Variants in HIP1 observed in about 807,000 individuals in gnomAD.
HIP1 encodes the protein huntingtin interacting protein 1.
A neutral mutation model predicts 147.6 loss-of-function variants in HIP1; 65 were observed. The ratio of observed to expected loss-of-function variants is 0.44; its 90% CI spans 0.36 to 0.54. The LOEUF is 0.54. Among genes scored for constraint, HIP1 ranks in the 20% least tolerant of loss-of-function variants. HIP1 has a pLI of 0.00. For synonymous variants in HIP1, 479 were observed against 504.0 expected, an observed-to-expected ratio of 0.95 and a Z score of 0.67; for missense variants, 1,061 against 1,299.6, an observed-to-expected ratio of 0.82 and a Z score of 2.82.
At chr7:75,580,115 C>T (rs1251423865) in intron 7 of HIP1, among the ~76,000 whole-genome samples, 4 of 152,176 alleles carry the variant, frequency 2.6e-5, no homozygotes, top group Non-Finnish European at 4.4e-5. Context: ...GCTAGTGGAA[C>T]AGGACTGTGT....
rs759877041 is a variant in HIP1 at position 75,571,013 on chromosome 7, A to AAAAT, written c.745+2744_745+2747dup. Among the ~76,000 whole-genome samples the AAAAT allele has an allele frequency of 2.6e-3, 394 of 151,822 alleles. 4 individuals carry two copies. The highest frequency in any genetic ancestry group is 3.4e-3 in the Non-Finnish European group (233 of 67,840). ...CAACAGAGCGAGACCCTGTTTCAGA[A>AAAAT]AAATAAATAAATAAATAAAGTAAAT... On this transcript the variant is annotated intron_variant, in intron 8 of 30. Coordinates refer to ENST00000336926, the MANE Select transcript of HIP1 (RefSeq NM_005338.7).
At position 75,556,829 on chromosome 7, in the gene HIP1, CAG is replaced by C. The variant is rs1352338305; in HGVS notation, c.1582-20_1582-19del. The C allele has an allele frequency of 7.6e-6, 11 of 1,443,644 alleles. No homozygotes were observed. Among genetic ancestry groups the C allele is most frequent in the Non-Finnish European group, 8.8e-6 (9 of 1,026,044 alleles). The allele number at this position is 1,443,644 out of a possible 1,614,324, so 89.4% of individuals were successfully genotyped here. A position where few individuals can be genotyped will look rare whatever the true frequency, so the allele number is the denominator to read the frequency against. ...TCTTGAGTCTGAAAGAGAAGAAAAA[CAG>C]AGGGACTCTGATCTGGGTGACAGTG... On this transcript the variant is annotated intron_variant, in intron 16 of 30. Coordinates refer to ENST00000336926, the MANE Select transcript of HIP1 (RefSeq NM_005338.7).
In HIP1 at chr7:75,573,866, C is replaced by T. The variant is rs1554497132; in HGVS notation, c.640G>A (p.Val214Met). 2 of 1,614,036 alleles carry T rather than the reference C, an allele frequency of 1.2e-6. No homozygotes were observed. Among genetic ancestry groups the T allele is most frequent in the Non-Finnish European group, 1.7e-6 (2 of 1,179,968 alleles). ...NSLDMSRSVS[V>M]TAAGQCRLAP... ...AGGCGGCACTGCCCTGCTGCCGTCA[C>T]GGACACAGAGCGGGACATGTCCAGG... Residue 214 changes from valine to methionine, a missense_variant, in exon 8 of 31, where the codon GTG (valine) becomes ATG (methionine). Physicochemically the swap from Val to Met is conservative, Grantham distance 21. Around this residue, in one of 3 missense-constraint regions of HIP1, gnomAD observed 225 missense variants for 292.9 expected, o/e 0.77. Transcript: ENST00000336926.
intron 1 of HIP1, among the ~76,000 whole-genome samples, chr7:75,674,326 A>G (rs1799819038): frequency 6.6e-6 from 1 of 152,126 alleles, no homozygotes; most frequent in African/African-American, 2.4e-5. Flanking sequence ...GTATGTTGTT[A>G]GCCATGGGTT....
chr7:75,538,310 C>CA lies in HIP1; in HGVS notation c.3062-87dup, dbSNP rs1794163197. ...AACAAAACCTGCCACCATGGGGGCT[C>CA]AAAAATACATTATAATTATAACCAT... On this transcript the variant is annotated intron_variant, in intron 30 of 30. Transcript: ENST00000336926. The CA allele has an allele frequency of 1.3e-5, 12 of 945,304 alleles. No homozygotes were observed. The East Asian group carries it at 2.9e-4, about 23-fold the overall frequency. 58.6% of individuals were successfully genotyped at this position (945,304 alleles called of 1,614,324 possible).
chr7:75,710,908 T>TA (rs1243019952), intron 1 of HIP1, among the ~76,000 whole-genome samples: 3 of 152,116 alleles, frequency 2.0e-5, no homozygotes, highest in Admixed American at 6.6e-5. Flanking sequence ...AAGAACATTA[T>TA]AAAAAAACCC....
chr7:75,669,057 AAAAC>A (rs1300293040), intron 1 of HIP1, among the ~76,000 whole-genome samples: 3 of 150,406 alleles, frequency 2.0e-5, no homozygotes, highest in East Asian at 2.0e-4. Context: ...GTTTCTACTT[AAAAC>A]AAACAAACAA....
In HIP1 at chr7:75,584,194, C is replaced by T. The variant is rs766365270; in HGVS notation, c.466-2043G>A. On this transcript the variant is annotated intron_variant, in intron 5 of 30. Coordinates refer to ENST00000336926, the MANE Select transcript of HIP1 (RefSeq NM_005338.7). ...GCCCAGGCTGGTCTTGAACTCCTGA[C>T]CTCAGGTGATCCACCCGCCTCGGCC... Among the ~76,000 whole-genome samples the T allele has an allele frequency of 1.2e-3, 185 of 151,534 alleles. 1 individual carries two copies. Among genetic ancestry groups the T allele is most frequent in the Admixed American group, 1.8e-3 (27 of 15,196 alleles).
rs567784975 is a variant in HIP1 at position 75,728,033 on chromosome 7, T to G, written c.120+10768A>C. On this transcript the variant is annotated intron_variant, in intron 1 of 30. Coordinates refer to ENST00000336926, the MANE Select transcript of HIP1 (RefSeq NM_005338.7). Reference sequence around the variant, plus strand: ...CCTGAGTGCTCTCAAACAAGTCTTTTAATCTCTCTGAGCCTCAGTGTCTGT... The same window carrying G: ...CCTGAGTGCTCTCAAACAAGTCTTTGAATCTCTCTGAGCCTCAGTGTCTGT... Among the ~76,000 whole-genome samples, 4 of 152,282 alleles carry G rather than the reference T, an allele frequency of 2.6e-5. No individual in the cohort carries two copies. In the South Asian group the frequency reaches 8.3e-4, roughly 32 times the overall value.
chr7:75,555,810 CTT>C (rs1281589473), intron 18 of HIP1, among the ~76,000 whole-genome samples: 2 of 131,200 alleles, frequency 1.5e-5, no homozygotes, highest in Non-Finnish European at 3.5e-5. Context: ...CCAAACTTCT[CTT>C]CTCATACAAA....
intron 1 of HIP1, among the ~76,000 whole-genome samples, chr7:75,635,577 C>CAAAAA (rs144914669): frequency 1.6e-4 from 11 of 69,780 alleles, no homozygotes; most frequent in East Asian, 4.9e-4. Flanking sequence ...GACTCCATCT[C>CAAAAA]AAAAAAAAAA....
intron 1 of HIP1, among the ~76,000 whole-genome samples, chr7:75,650,803 C>A (rs1181604021): frequency 1.3e-5 from 2 of 152,084 alleles, no homozygotes; most frequent in Non-Finnish European, 1.5e-5. Flanking sequence ...AGCTCAGAGT[C>A]GCCTGTAGTG....
At chr7:75,662,090 G>T (rs1335457195) in intron 1 of HIP1, among the ~76,000 whole-genome samples, 2 of 150,400 alleles carry the variant, frequency 1.3e-5, no homozygotes, top group East Asian at 4.0e-4. Flanking sequence ...AGGGGAGGGA[G>T]GAGGGGAAGG....
intron 1 of HIP1, among the ~76,000 whole-genome samples, chr7:75,675,774 T>A (rs1158894325): frequency 6.6e-6 from 1 of 151,842 alleles, no homozygotes; most frequent in Non-Finnish European, 1.5e-5. Flanking sequence ...AGGCCAGGAG[T>A]TCAAGACCAG....
At chr7:75,630,787 C>T (rs1798186520) in intron 1 of HIP1, among the ~76,000 whole-genome samples, 1 of 152,128 alleles carries the variant, frequency 6.6e-6, no homozygotes, top group Non-Finnish European at 1.5e-5. Context: ...TCTGATTGCC[C>T]CGGCAGACTG....
intron 1 of HIP1, among the ~76,000 whole-genome samples, chr7:75,673,757 G>C (rs1378966183): frequency 6.7e-6 from 1 of 149,628 alleles, no homozygotes; most frequent in Admixed American, 6.8e-5. Context: ...GGTCAAGGTG[G>C]GTGGATTGCT....
At chr7:75,610,027 G>A (rs987987790) in intron 1 of HIP1, among the ~76,000 whole-genome samples, 4 of 150,012 alleles carry the variant, frequency 2.7e-5, no homozygotes, top group South Asian at 2.1e-4. Context: ...CTCAGCCTCC[G>A]GAGTAGCTGG....
intron 1 of HIP1, among the ~76,000 whole-genome samples, chr7:75,660,943 T>C (rs1392765766): frequency 2.0e-5 from 3 of 151,842 alleles, no homozygotes; most frequent in Admixed American, 2.0e-4. Flanking sequence ...GGCCTGCATT[T>C]AGGGTGGGAA....
intron 1 of HIP1, among the ~76,000 whole-genome samples, chr7:75,737,621 C>T (rs1180746479): frequency 1.3e-5 from 2 of 152,174 alleles, no homozygotes; most frequent in Non-Finnish European, 2.9e-5. Context: ...GCTGGGATTA[C>T]AGGTGTGAGG....
Sources: gnomAD v4.1 joint callset for allele counts (sites outside exome capture counted in the v4.1 genomes callset) on GRCh38, gnomAD v4.1.1 for gene constraint, gnomAD v4.1.1 regional missense constraint, MANE v1.5 for transcripts, NCBI Gene and HGNC (gene_info 2026-07-23, HGNC 2026-07-21) for gene names.